DACH2: variants seen among roughly 807,000 people sequenced by gnomAD.
The protein encoded by DACH2 is dachshund homolog 2.
A neutral mutation model predicts 35.8 loss-of-function variants in DACH2; 17 were observed. The observed-to-expected ratio is 0.48, with a 90% CI of 0.33 to 0.71. DACH2 has a LOEUF of 0.71. Ranked by LOEUF, DACH2 falls within the 30% of genes least tolerant of loss-of-function variation. The pLI is 0.02. For synonymous variants in DACH2, 195 were observed against 177.3 expected (o/e 1.10, Z -0.79); for missense variants, 469 against 472.7 (o/e 0.99, Z 0.07).
At chrX:86,658,166 C>G (rs867539127) in intron 4 of DACH2, among the ~76,000 whole-genome samples, 1 of 111,701 alleles carries the variant, frequency 9.0e-6, no homozygotes, top group Non-Finnish European at 1.9e-5. Flanking sequence ...AGAGCACATA[C>G]TTCATGACCT....
chrX:86,621,075 A>G (rs918523223), intron 3 of DACH2, among the ~76,000 whole-genome samples: 5 of 111,864 alleles, frequency 4.5e-5, no homozygotes, highest in Admixed American at 1.9e-4. Flanking sequence ...AAAAACATTT[A>G]TTAATCTATT....
At chrX:86,206,898 A>G (rs953376131) in intron 1 of DACH2, among the ~76,000 whole-genome samples, 1 of 111,795 alleles carries the variant, frequency 8.9e-6, no homozygotes, top group Non-Finnish European at 1.9e-5. Context: ...ATATTTTTGG[A>G]GGGAAAGTAA....
At chrX:86,603,224 T>C (rs2039813015) in intron 3 of DACH2, among the ~76,000 whole-genome samples, 1 of 110,941 alleles carries the variant, frequency 9.0e-6, no homozygotes, top group Non-Finnish European at 1.9e-5. Context: ...AGGGCAGCAG[T>C]GATATTGGAT....
chrX:86,236,676 A>C lies in DACH2; in HGVS notation c.488+87568A>C, dbSNP rs952916534. On this transcript the variant is annotated intron_variant, in intron 1 of 11. Transcript: ENST00000373125. ...AATTTGAACACACCTAAACATAGAA[A>C]AGGTACAGTAAAAATATGGCATAAA... 2.7e-5 allele frequency among the ~76,000 whole-genome samples: 3 copies of C among 112,115 alleles called. No homozygotes were observed. In the Admixed American group the frequency reaches 2.8e-4, roughly 11 times the overall value.
chrX:86,256,777 C>T (rs1264815384), intron 1 of DACH2, among the ~76,000 whole-genome samples: 1 of 111,270 alleles, frequency 9.0e-6, no homozygotes, highest in Non-Finnish European at 1.9e-5. Flanking sequence ...AGTCCTAAGA[C>T]CAAAACCTTT....
At chrX:86,826,232 A>AGAG (rs2042561269) in intron 11 of DACH2, among the ~76,000 whole-genome samples, 1 of 111,401 alleles carries the variant, frequency 9.0e-6, no homozygotes, top group Non-Finnish European at 1.9e-5. Flanking sequence ...TCTAAGAACT[A>AGAG]GAGATTCAAT....
chrX:86,399,635 T>A (rs762923814), intron 2 of DACH2, among the ~76,000 whole-genome samples: 1 of 111,175 alleles, frequency 9.0e-6, no homozygotes, highest in African/African-American at 3.3e-5. Flanking sequence ...CTCTTTCACT[T>A]ATGAAGCTTC....
At chrX:86,276,618 C>T (rs1362673622) in intron 1 of DACH2, among the ~76,000 whole-genome samples, 1 of 111,269 alleles carries the variant, frequency 9.0e-6, no homozygotes, top group Non-Finnish European at 1.9e-5. Flanking sequence ...GACCAATGTC[C>T]TGGAGATTTT....
intron 2 of DACH2, among the ~76,000 whole-genome samples, chrX:86,438,057 C>T (rs1296272983): frequency 1.8e-5 from 2 of 108,742 alleles, no homozygotes; most frequent in Non-Finnish European, 3.8e-5. Context: ...CAACAGGCTC[C>T]AGGGTGTGTT....
intron 1 of DACH2, among the ~76,000 whole-genome samples, chrX:86,212,576 T>C (rs2032469722): frequency 9.0e-6 from 1 of 111,399 alleles, no homozygotes; most frequent in South Asian, 3.7e-4. Context: ...AAAATAATAA[T>C]TACAGAAGAA....
chrX:86,787,147 C>T (rs979355476), intron 7 of DACH2, among the ~76,000 whole-genome samples: 7 of 111,703 alleles, frequency 6.3e-5, no homozygotes, highest in Non-Finnish European at 1.1e-4. Context: ...AGCATGAAAA[C>T]GGACTAATAC....
chrX:86,264,990 C>A (rs971124477), intron 1 of DACH2, among the ~76,000 whole-genome samples: 13 of 111,325 alleles, frequency 1.2e-4, no homozygotes, highest in African/African-American at 4.2e-4. Flanking sequence ...TAATTAACAT[C>A]TCCAGTCCTA....
chrX:86,168,038 A>G (rs951028033), intron 1 of DACH2, among the ~76,000 whole-genome samples: 4 of 111,863 alleles, frequency 3.6e-5, no homozygotes, highest in Non-Finnish European at 7.6e-5. Context: ...AATATTCTAC[A>G]ATTGTCTATT....
chrX:86,538,457 C>T (rs180879858), intron 3 of DACH2, among the ~76,000 whole-genome samples: 15 of 111,875 alleles, frequency 1.3e-4, no homozygotes, highest in Middle Eastern at 4.6e-3. Context: ...CCCCACTTCT[C>T]AGCAATAATT....
At chrX:86,388,566 C>G (rs888892498) in intron 2 of DACH2, among the ~76,000 whole-genome samples, 2 of 111,475 alleles carry the variant, frequency 1.8e-5, no homozygotes, top group Admixed American at 1.9e-4. Context: ...GAGAAGTTGT[C>G]AGCCTCCCTG....
intron 7 of DACH2, among the ~76,000 whole-genome samples, chrX:86,781,075 T>G (rs1569481558): frequency 9.0e-6 from 1 of 111,558 alleles, no homozygotes; most frequent in African/African-American, 3.3e-5. Flanking sequence ...CGTTCCAAGT[T>G]TCAGGGTCCT....
intron 1 of DACH2, among the ~76,000 whole-genome samples, chrX:86,254,807 TAGAGAGAGAGAGAGAGAG>T (rs755869488): frequency 4.0e-5 from 2 of 49,660 alleles, no homozygotes; most frequent in African/African-American, 2.3e-4. Context: ...TATATATATA[TAGAGAGAGAGAGAGAGAG>T]AGAGAGAGAG....
chrX:86,424,610 T>C lies in DACH2; in HGVS notation c.527+47748T>C, dbSNP rs180790162. ...TCTTTAGGTTTTTCCAAATATAATA[T>C]CACATCATTTGCAAACAAGAATACT... On this transcript the variant is annotated intron_variant, in intron 2 of 11. Transcript: ENST00000373125. Among the ~76,000 whole-genome samples, 13 of 111,721 alleles carry C rather than the reference T, an allele frequency of 1.2e-4. No individual in the cohort carries two copies. The Admixed American group carries it at 1.2e-3, about 11-fold the overall frequency.
At chrX:86,445,138 T>G (rs1156560554) in intron 2 of DACH2, among the ~76,000 whole-genome samples, 2 of 110,614 alleles carry the variant, frequency 1.8e-5, no homozygotes, top group African/African-American at 6.6e-5. Flanking sequence ...TATTTCCTTT[T>G]TTTGAAGCAA....
Sources: gnomAD v4.1 joint callset for allele counts (sites outside exome capture counted in the v4.1 genomes callset) on GRCh38, gnomAD v4.1.1 for gene constraint, MANE v1.5 for transcripts, NCBI Gene and HGNC (gene_info 2026-07-23, HGNC 2026-07-21) for gene names.